Variants in ARID1B observed in about 807,000 individuals in gnomAD.
ARID1B encodes the protein AT-rich interactive domain-containing protein 1B.
In ARID1B, 30 loss-of-function variants were observed where a neutral mutation model predicts 212.3. That is an observed-to-expected ratio of 0.14 (90% CI 0.11 to 0.19). ARID1B has a LOEUF of 0.19. Ranked by LOEUF, ARID1B falls within the 10% of genes least tolerant of loss-of-function variation. The pLI, the probability that ARID1B is intolerant of heterozygous loss-of-function variation, is 1.00. For missense variants in ARID1B, 2,891 were observed against 3,204.0 expected, an observed-to-expected ratio of 0.90 and a Z score of 2.36; for synonymous variants, 1,402 against 1,301.7, an observed-to-expected ratio of 1.08 and a Z score of -1.66.
At position 157,094,437 on chromosome 6, in the gene ARID1B, C is replaced by T. The variant is rs552416489; in HGVS notation, c.2491+9532C>T. Among the ~76,000 whole-genome samples, 1 of 152,276 alleles carries T rather than the reference C, an allele frequency of 6.6e-6. No individual in the cohort carries two copies. The highest frequency in any genetic ancestry group is 2.1e-4 in the South Asian group (1 of 4,830). On this transcript the variant is annotated intron_variant, in intron 5 of 19. Coordinates refer to ENST00000636930, the MANE Select transcript of ARID1B (RefSeq NM_001374828.1). The surrounding 1 kb of genome is among the most constrained non-coding windows in gnomAD (Gnocchi z 4.3). ...TGGCACGATCTCCACTCACTACAAC[C>T]TCTACCTCCCAGGTTCAAGCAATTC... is the stretch of plus-strand genomic sequence containing the variant.
At chr6:157,074,624 A>G (rs980249646) in intron 4 of ARID1B, among the ~76,000 whole-genome samples, 1 of 152,204 alleles carries the variant, frequency 6.6e-6, no homozygotes, top group African/African-American at 2.4e-5. Flanking sequence ...TGGGCTAGTG[A>G]GTCAAGTTCT....
chr6:156,804,607 C>A (rs1781017317), intron 1 of ARID1B, among the ~76,000 whole-genome samples: 1 of 151,918 alleles, frequency 6.6e-6, no homozygotes, highest in African/African-American at 2.4e-5. Context: ...AAGGGGGAAG[C>A]CCCTTATAAA....
At chr6:157,001,886 C>A (rs1282589709) in intron 4 of ARID1B, among the ~76,000 whole-genome samples, 1 of 152,138 alleles carries the variant, frequency 6.6e-6, no homozygotes, top group Non-Finnish European at 1.5e-5. Flanking sequence ...TGAGTTTTGG[C>A]GATAGGTCGC....
In ARID1B at chr6:157,106,888, G is replaced by A. The variant is rs545859662; in HGVS notation, c.2492-3584G>A. On this transcript the variant is annotated intron_variant, in intron 5 of 19. Coordinates refer to ENST00000636930, the MANE Select transcript of ARID1B (RefSeq NM_001374828.1). ...AGTAACTAAATGTGGAAGAAAAAGG[G>A]GAAATATAGAATCACCGTTAGCCGA... 8.2e-4 allele frequency among the ~76,000 whole-genome samples: 125 copies of A among 152,224 alleles called. 2 individuals carry two copies. In the South Asian group the frequency reaches 0.025, roughly 30 times the overall value.
At chr6:156,805,989 TTTG>T (rs1228796211) in intron 1 of ARID1B, among the ~76,000 whole-genome samples, 3 of 152,196 alleles carry the variant, frequency 2.0e-5, no homozygotes, top group African/African-American at 7.2e-5. Context: ...ATTTTTCAGC[TTTG>T]AAACCCTGTA....
At chr6:156,841,215 T>C (rs1783878428) in intron 2 of ARID1B, among the ~76,000 whole-genome samples, 1 of 152,176 alleles carries the variant, frequency 6.6e-6, no homozygotes, top group Non-Finnish European at 1.5e-5. Flanking sequence ...TAGTTCTCTG[T>C]CGCTGATCAT....
chr6:156,796,989 A>G (rs1239531155), intron 1 of ARID1B, among the ~76,000 whole-genome samples: 1 of 136,872 alleles, frequency 7.3e-6, no homozygotes, highest in East Asian at 2.6e-4. Context: ...CCATACCCCA[A>G]GACCCTGGGA....
chr6:156,927,866 G>A (rs1372350354), intron 3 of ARID1B, among the ~76,000 whole-genome samples: 6 of 152,142 alleles, frequency 3.9e-5, no homozygotes, highest in Non-Finnish European at 8.8e-5. Context: ...TAGCATCCCC[G>A]TCTTAGAAAA....
intron 4 of ARID1B, among the ~76,000 whole-genome samples, chr6:157,039,393 C>A (rs1781561867): frequency 7.2e-6 from 1 of 138,518 alleles, no homozygotes; most frequent in Non-Finnish European, 1.5e-5. Flanking sequence ...TGCAGTGGCG[C>A]AATCTCGGCT....
At chr6:157,026,760 C>T (rs147891430) in intron 4 of ARID1B, among the ~76,000 whole-genome samples, 200 of 152,220 alleles carry the variant, frequency 1.3e-3, no homozygotes, top group African/African-American at 4.6e-3. Context: ...GAGCAATTGT[C>T]CTACCTCGGT....
At chr6:156,880,806 G>A (rs534089643) in intron 2 of ARID1B, among the ~76,000 whole-genome samples, 1 of 150,634 alleles carries the variant, frequency 6.6e-6, no homozygotes, top group East Asian at 1.9e-4. Flanking sequence ...TTTGGTGGAT[G>A]TTAGTTATTA....
At chr6:157,013,105 C>T (rs1779709642) in intron 4 of ARID1B, among the ~76,000 whole-genome samples, 1 of 152,244 alleles carries the variant, frequency 6.6e-6, no homozygotes, top group Admixed American at 6.5e-5. Flanking sequence ...TCCCGAACTC[C>T]TGACCTCAGG....
chr6:156,898,348 G>A (rs62434272), intron 2 of ARID1B, among the ~76,000 whole-genome samples: 7,639 of 152,258 alleles, frequency 0.05, 234 homozygotes, highest in Middle Eastern at 0.12. Context: ...GGCCCTCCTT[G>A]TGTGGGCAGT....
At chr6:156,847,142 G>T (rs1436032155) in intron 2 of ARID1B, among the ~76,000 whole-genome samples, 5 of 151,982 alleles carry the variant, frequency 3.3e-5, no homozygotes, top group African/African-American at 1.2e-4. Flanking sequence ...CTCTGCAAAG[G>T]CATCTTTAAT....
chr6:157,055,268 A>G (rs1782879078), intron 4 of ARID1B, among the ~76,000 whole-genome samples: 1 of 152,230 alleles, frequency 6.6e-6, no homozygotes, highest in Non-Finnish European at 1.5e-5. Flanking sequence ...TTAATTGGTT[A>G]ACTAGACAAT....
At chr6:156,852,441 ACT>A (rs1011911492) in intron 2 of ARID1B, among the ~76,000 whole-genome samples, 1 of 149,126 alleles carries the variant, frequency 6.7e-6, no homozygotes, top group Non-Finnish European at 1.5e-5. Context: ...GAGCAAGAAG[ACT>A]CTGTTTCCCT....
intron 4 of ARID1B, among the ~76,000 whole-genome samples, chr6:157,047,702 T>C (rs935675478): frequency 6.6e-6 from 1 of 152,232 alleles, no homozygotes; most frequent in Admixed American, 6.5e-5. Flanking sequence ...CAAGGAGTTA[T>C]GCTGGAAGCA....
At chr6:156,790,717 A>C (rs562255410) in intron 1 of ARID1B, among the ~76,000 whole-genome samples, 4 of 152,282 alleles carry the variant, frequency 2.6e-5, no homozygotes, top group Middle Eastern at 3.4e-3. Flanking sequence ...TGCAGAACGC[A>C]TTTCAGGAAG....
intron 5 of ARID1B, among the ~76,000 whole-genome samples, chr6:157,098,186 C>A (rs1562616062): frequency 6.6e-6 from 1 of 151,236 alleles, no homozygotes; most frequent in Admixed American, 6.6e-5. Flanking sequence ...TATAAACCAT[C>A]CCTCTATTTG....
Sources: allele counts gnomAD v4.1 joint callset (sites outside exome capture counted in the v4.1 genomes callset), GRCh38; gene constraint gnomAD v4.1.1; non-coding constraint Gnocchi (gnomAD v3.1); transcripts MANE v1.5; gene names NCBI Gene and HGNC (gene_info 2026-07-23, HGNC 2026-07-21).